The following PHYHIPL variants were observed in gnomAD, a reference collection of about 807,000 sequenced individuals.
PHYHIPL encodes phytanoyl-CoA 2-hydroxylase interacting protein like, also known as phytanoyl-CoA hydroxylase-interacting protein-like.
A neutral mutation model predicts 33.4 loss-of-function variants in PHYHIPL; 9 were observed. The observed-to-expected ratio is 0.27, with a 90% CI of 0.16 to 0.47. The LOEUF (loss-of-function observed/expected upper bound fraction) is 0.47, where lower values mean the gene tolerates loss of function less well. Ranked by LOEUF, PHYHIPL falls within the 20% of genes least tolerant of loss-of-function variation. PHYHIPL has a pLI of 0.99. For missense variants in PHYHIPL, 365 were observed against 460.7 expected (o/e 0.79, Z 1.90); for synonymous variants, 153 against 154.1 (o/e 0.99, Z 0.05).
At chr10:59,190,014 C>G (rs1411514006) in intron 1 of PHYHIPL, among the ~76,000 whole-genome samples, 1 of 151,922 alleles carries the variant, frequency 6.6e-6, no homozygotes, top group Non-Finnish European at 1.5e-5. Context: ...AGATTTCAAA[C>G]TTTCTAATTT....
At chr10:59,192,814 A>C (rs1589263258) in intron 1 of PHYHIPL, among the ~76,000 whole-genome samples, 1 of 152,134 alleles carries the variant, frequency 6.6e-6, no homozygotes, top group East Asian at 1.9e-4. Flanking sequence ...TGATACCAGC[A>C]AATAAAATAG....
chr10:59,214,036 A>T (rs1161435651), intron 1 of PHYHIPL, among the ~76,000 whole-genome samples: 1 of 152,126 alleles, frequency 6.6e-6, no homozygotes, highest in Non-Finnish European at 1.5e-5. Context: ...ATGGGGGGAA[A>T]GATGGATTAT....
At chr10:59,242,483 A>AACTT (rs1420960756) in intron 4 of PHYHIPL, among the ~76,000 whole-genome samples, 2 of 152,166 alleles carry the variant, frequency 1.3e-5, no homozygotes, top group South Asian at 2.1e-4. Context: ...AATAACATAA[A>AACTT]ACTTAAAATG....
In PHYHIPL at chr10:59,221,391, A is replaced by G. The variant is rs527692075; in HGVS notation, c.107-12913A>G. 1.3e-4 allele frequency among the ~76,000 whole-genome samples: 20 copies of G among 152,182 alleles called. No homozygotes were observed. In the South Asian group the frequency reaches 3.1e-3, roughly 24 times the overall value. On this transcript the variant is annotated intron_variant, in intron 1 of 4. Coordinates refer to ENST00000373880, the MANE Select transcript of PHYHIPL (RefSeq NM_032439.4). ...AATGACTAAAAATAACATTTTATTTACTGTTTTTTAGCCCATGTACATATA... is the reference window on the plus strand; with the variant it reads ...AATGACTAAAAATAACATTTTATTTGCTGTTTTTTAGCCCATGTACATATA...
upstream of PHYHIPL, among the ~76,000 whole-genome samples, chr10:59,174,073 G>A (rs147846751): frequency 6.0e-4 from 91 of 151,566 alleles, no homozygotes; most frequent in African/African-American, 2.2e-3. Flanking sequence ...CTGGAATGTG[G>A]TTCCTGCTCA....
intron 1 of PHYHIPL, among the ~76,000 whole-genome samples, chr10:59,211,747 A>G (rs1839454071): frequency 2.0e-5 from 3 of 150,308 alleles, no homozygotes; most frequent in Admixed American, 6.7e-5. Flanking sequence ...GCTGCCTTAC[A>G]GCACAGCATC....
Position 59,246,711 on chromosome 10 carries a change from C to G in PHYHIPL, c.*1120C>G, listed in dbSNP as rs1196723346. On this transcript the variant is annotated 3_prime_UTR_variant, in exon 5 of 5. Coordinates refer to ENST00000373880, the MANE Select transcript of PHYHIPL (RefSeq NM_032439.4). ...TACAGAAGGATGAATAACTACAGCT[C>G]ATGGGAAATGTTTTGACTTTACAAA... 147 of 397,124 alleles carry G rather than the reference C, an allele frequency of 3.7e-4. No individual in the cohort carries two copies. The highest frequency in any genetic ancestry group is 2.2e-5 in the Non-Finnish European group (5 of 225,186). The allele number at this position is 397,124 out of a possible 1,614,324, so 24.6% of individuals were successfully genotyped here. A position where few individuals can be genotyped will look rare whatever the true frequency, so the allele number is the denominator to read the frequency against.
At chr10:59,230,639 C>A (rs1167620695) in intron 1 of PHYHIPL, among the ~76,000 whole-genome samples, 3 of 152,090 alleles carry the variant, frequency 2.0e-5, no homozygotes, top group Non-Finnish European at 4.4e-5. Context: ...AGGTGTTAAT[C>A]AATTTAAAAA....
chr10:59,192,673 T>A (rs559544061), intron 1 of PHYHIPL, among the ~76,000 whole-genome samples: 1 of 152,148 alleles, frequency 6.6e-6, no homozygotes, highest in South Asian at 2.1e-4. Context: ...AGATAAAAAT[T>A]AGGGGTGGAA....
In PHYHIPL at chr10:59,245,342, A is replaced by C. The variant is rs751808678; in HGVS notation, c.882A>C (p.Glu294Asp). The change falls in exon 5 of 5, where the codon GAA becomes GAC. Residue 294 changes from glutamate (E) to aspartate (D), a missense_variant. By Grantham distance (45) the Glu-to-Asp change is conservative (BLOSUM62 2). Coordinates refer to ENST00000373880, the MANE Select transcript of PHYHIPL (RefSeq NM_032439.4). ...CTCCTGTGGGATCACCAGGAGATGA[A>C]TTTTGTAAGCAGCGCCTTCCTCAAC... Reference protein sequence around the residue: ...VIAPVGSPGDEFCKQRLPQLN... With the variant: ...VIAPVGSPGDDFCKQRLPQLN... 4.3e-6 allele frequency: 7 copies of C among 1,614,132 alleles called. No homozygotes were observed. The highest frequency in any genetic ancestry group is 5.9e-6 in the Non-Finnish European group (7 of 1,180,018).
chr10:59,187,644 C>T (rs1315442205), intron 1 of PHYHIPL, among the ~76,000 whole-genome samples: 1 of 152,006 alleles, frequency 6.6e-6, no homozygotes, highest in Non-Finnish European at 1.5e-5. Flanking sequence ...AATTTCAGAG[C>T]CTGTTATTGG....
intron 1 of PHYHIPL, chr10:59,206,929 C>A: frequency 4.5e-6 from 2 of 444,344 alleles, no homozygotes; most frequent in Admixed American, 5.7e-5. Flanking sequence ...TAACATAATA[C>A]TTAACATTAC....
At chr10:59,203,813 T>A (rs1589272070) in intron 1 of PHYHIPL, among the ~76,000 whole-genome samples, 1 of 151,956 alleles carries the variant, frequency 6.6e-6, no homozygotes, top group Non-Finnish European at 1.5e-5. Flanking sequence ...AAATACCTCA[T>A]GTAAATGGTG....
intron 1 of PHYHIPL, among the ~76,000 whole-genome samples, chr10:59,229,915 A>G (rs1357307800): frequency 6.6e-6 from 1 of 152,292 alleles, no homozygotes; most frequent in East Asian, 1.9e-4. Context: ...TTCATCCACA[A>G]GGACTCAAAT....
intron 1 of PHYHIPL, among the ~76,000 whole-genome samples, chr10:59,188,644 A>G (rs935836940): frequency 6.6e-6 from 1 of 152,018 alleles, no homozygotes; most frequent in African/African-American, 2.4e-5. Context: ...ATGAATCTGG[A>G]TGCTCCTGTA....
intron 1 of PHYHIPL, among the ~76,000 whole-genome samples, chr10:59,204,150 A>G (rs1307204600): frequency 6.6e-6 from 1 of 152,224 alleles, no homozygotes; most frequent in Admixed American, 6.5e-5. Context: ...AAAACTTTAT[A>G]TAAAGAACTA....
chr10:59,206,787 G>A (rs962758688), intron 1 of PHYHIPL: 105 of 1,238,290 alleles, frequency 8.5e-5, no homozygotes, highest in Non-Finnish European at 1.1e-4. Context: ...AAACAGACAA[G>A]AAAAGGATAA....
At chr10:59,236,007 GTC>G (rs1172597714) in intron 2 of PHYHIPL, among the ~76,000 whole-genome samples, 1 of 151,730 alleles carries the variant, frequency 6.6e-6, no homozygotes, top group Non-Finnish European at 1.5e-5. Flanking sequence ...TATCTTTTAT[GTC>G]TCTGTTTTTT....
At chr10:59,174,542 T>A (rs1838219300), upstream of PHYHIPL, among the ~76,000 whole-genome samples, 1 of 152,240 alleles carries the variant, frequency 6.6e-6, no homozygotes, top group Admixed American at 6.5e-5. Context: ...ATATTTCTTT[T>A]GTATTTTTTA....
Sources: allele counts gnomAD v4.1 joint callset (sites outside exome capture counted in the v4.1 genomes callset), GRCh38; gene constraint gnomAD v4.1.1; transcripts MANE v1.5; gene names NCBI Gene and HGNC (gene_info 2026-07-23, HGNC 2026-07-21).